The following WDR27 variants were observed in gnomAD, a reference collection of about 807,000 sequenced individuals.
WDR27 encodes the protein WD repeat-containing protein 27.
In WDR27, 100 loss-of-function variants were observed where a neutral mutation model predicts 114.4. The observed-to-expected ratio is 0.87, with a 90% CI of 0.74 to 1.03. The LOEUF (loss-of-function observed/expected upper bound fraction) is 1.03. Ranked by LOEUF, WDR27 falls within the 50% of genes least tolerant of loss-of-function variation. WDR27 has a pLI of 0.00. For missense variants in WDR27, 1,129 were observed against 1,092.9 expected, an observed-to-expected ratio of 1.03 and a Z score of -0.47; for synonymous variants, 449 against 423.1, an observed-to-expected ratio of 1.06 and a Z score of -0.75.
chr6:169,436,779 C>A, the WDR27 span, among the ~76,000 whole-genome samples: 1 of 151,984 alleles, frequency 6.6e-6, no homozygotes, highest in Admixed American at 6.6e-5. Context: ...ATTAATGTTT[C>A]TTTATTTTTG....
At chr6:169,644,588 A>G (rs867060600) in intron 16 of WDR27, among the ~76,000 whole-genome samples, 1 of 149,846 alleles carries the variant, frequency 6.7e-6, no homozygotes, top group Middle Eastern at 3.4e-3. Context: ...CAGGAGTCAC[A>G]CTGTGGAAAA....
At chr6:169,468,797 T>C (rs1045300855) in intron 25 of WDR27, among the ~76,000 whole-genome samples, 1 of 152,214 alleles carries the variant, frequency 6.6e-6, no homozygotes, top group Non-Finnish European at 1.5e-5. Flanking sequence ...AACACAGATA[T>C]GTAATTCTCA....
chr6:169,550,324 C>T (rs1797930713), intron 25 of WDR27, among the ~76,000 whole-genome samples: 1 of 152,226 alleles, frequency 6.6e-6, no homozygotes, highest in Non-Finnish European at 1.5e-5. Context: ...CCACTGAGTA[C>T]ATGAAATGGT....
At chr6:169,696,690 G>A (rs925821414) in intron 1 of WDR27, among the ~76,000 whole-genome samples, 1 of 152,158 alleles carries the variant, frequency 6.6e-6, no homozygotes, top group African/African-American at 2.4e-5. Flanking sequence ...TGAGGCGGGT[G>A]GATCACGAGG....
In WDR27 at chr6:169,500,393, G is replaced by A. The variant is rs954898735; in HGVS notation, c.2646-42759C>T. Among the ~76,000 whole-genome samples the A allele has an allele frequency of 2.6e-5, 4 of 151,634 alleles. 1 individual carries two copies. In the Middle Eastern group the frequency reaches 0.014, roughly 527 times the overall value. ...ACTGTCTCACAAATGCTTAGCTGCTGCTGAACTAATGCTTAGTAGCTGCTG... is the reference window on the plus strand; with the variant it reads ...ACTGTCTCACAAATGCTTAGCTGCTACTGAACTAATGCTTAGTAGCTGCTG... On this transcript the variant is annotated intron_variant, in intron 25 of 25. Transcript: ENST00000448612.
At chr6:169,566,870 C>T (rs1322352000) in intron 25 of WDR27, among the ~76,000 whole-genome samples, 1 of 152,196 alleles carries the variant, frequency 6.6e-6, no homozygotes, top group Non-Finnish European at 1.5e-5. Context: ...CAGTGGATAA[C>T]AAGTGTGGAC....
intron 25 of WDR27, among the ~76,000 whole-genome samples, chr6:169,495,514 T>C (rs1790286213): frequency 1.9e-5 from 1 of 51,722 alleles, no homozygotes; most frequent in African/African-American, 9.4e-5. Context: ...AGTTGATTCT[T>C]TGAAAAGATA....
In WDR27 at chr6:169,647,858, G is replaced by A. The variant is rs375684041; in HGVS notation, c.1572C>T (p.Pro524=). The part of the protein sequence containing the change: ...SRSSCAREAY[P]VECAVPTKPG... ...GCTTGGTGGGCACAGCGCACTCCAC[G>A]GGGTATGCCTCCCTGAGGGAAGGCC... is the stretch of plus-strand genomic sequence containing the variant. The change falls in exon 16 of 26, where the codon CCC becomes CCT. Residue 524 remains proline, a synonymous_variant. Transcript: ENST00000448612. 1.4e-4 allele frequency: 223 copies of A among 1,562,756 alleles called. No homozygotes were observed. Among genetic ancestry groups the A allele is most frequent in the Admixed American group, 7.3e-4 (37 of 50,864 alleles).
chr6:169,438,399 G>C, the WDR27 span, among the ~76,000 whole-genome samples: 2 of 151,786 alleles, frequency 1.3e-5, no homozygotes, highest in African/African-American at 4.8e-5. Context: ...CACCACACCC[G>C]GCTAATTTTT....
chr6:169,436,585 TCA>T, the WDR27 span, among the ~76,000 whole-genome samples: 1 of 152,086 alleles, frequency 6.6e-6, no homozygotes. Context: ...GTCTAATGTC[TCA>T]GTTTTCATAA....
chr6:169,597,877 T>TAC (rs67336814), intron 23 of WDR27, among the ~76,000 whole-genome samples: 4,323 of 142,230 alleles, frequency 0.03, 97 homozygotes, highest in South Asian at 0.057. Flanking sequence ...TTACCATTCA[T>TAC]ACACACACAC....
chr6:169,650,494 T>G (rs1053969398), intron 14 of WDR27, among the ~76,000 whole-genome samples: 1 of 140,294 alleles, frequency 7.1e-6, no homozygotes. Flanking sequence ...CGTCTCTCCA[T>G]CCCTCCATCC....
chr6:169,688,569 A>G (rs991182576), intron 2 of WDR27, among the ~76,000 whole-genome samples: 5 of 152,286 alleles, frequency 3.3e-5, no homozygotes, highest in Non-Finnish European at 7.4e-5. Flanking sequence ...GAACCTTTTC[A>G]ATCAGTTTCT....
rs770676751 is a variant in WDR27, at chr6:169,613,595, C to A, written c.2285G>T (p.Gly762Val). ...AYNLFLTTAI[G>V]DGMRLWDLRT... is the part of the protein sequence containing the mutation. ...CAGGTCCCACAGTCTCATCCCATCG[C>A]CAATGGCCGTGGTCAGGAAAAGGTT... The change falls in exon 22 of 26, where the codon GGC becomes GTC. Residue 762 changes from glycine to valine, a missense_variant. Gly to Val is a moderately radical substitution (Grantham distance 109). Coordinates refer to ENST00000448612, the MANE Select transcript of WDR27 (RefSeq NM_182552.5). The A allele has an allele frequency of 6.2e-7, 1 of 1,613,730 alleles. No homozygotes were observed. The highest frequency in any genetic ancestry group is 8.5e-7 in the Non-Finnish European group (1 of 1,179,830).
chr6:169,690,338 T>C (rs1784165841), intron 1 of WDR27, among the ~76,000 whole-genome samples: 1 of 152,230 alleles, frequency 6.6e-6, no homozygotes, highest in South Asian at 2.1e-4. Context: ...ACCCAGCCTC[T>C]GCCTTTCTCT....
intron 25 of WDR27, among the ~76,000 whole-genome samples, chr6:169,459,137 T>C (rs978031685): frequency 1.3e-5 from 2 of 152,164 alleles, no homozygotes; most frequent in African/African-American, 2.4e-5. Context: ...GAAAGCAATC[T>C]GATGGCACTT....
At chr6:169,636,273 T>G in intron 19 of WDR27, 98 bp downstream of exon 19, 1 of 1,412,640 alleles carries the variant, frequency 7.1e-7, no homozygotes, top group Non-Finnish European at 9.6e-7. Flanking sequence ...ATTATTAAAT[T>G]TGGGGCAACA....
intron 21 of WDR27, among the ~76,000 whole-genome samples, chr6:169,632,213 G>GACGCAA (rs1816601808): frequency 6.9e-6 from 1 of 145,544 alleles, no homozygotes; most frequent in South Asian, 2.2e-4. Context: ...AAAAAAAGAA[G>GACGCAA]ACGCAAAATG....
chr6:169,577,986 A>C (rs1802713821), intron 24 of WDR27, among the ~76,000 whole-genome samples: 1 of 152,058 alleles, frequency 6.6e-6, no homozygotes, highest in South Asian at 2.1e-4. Context: ...AATTCACATA[A>C]AAAAATTCCA....
Sources: allele counts gnomAD v4.1 joint callset (sites outside exome capture counted in the v4.1 genomes callset), GRCh38; gene constraint gnomAD v4.1.1; transcripts MANE v1.5; gene names NCBI Gene and HGNC (gene_info 2026-07-23, HGNC 2026-07-21).